The following DOCK4 variants were observed in gnomAD, a reference collection of about 807,000 sequenced individuals.
DOCK4 encodes dedicator of cytokinesis 4.
Under a neutral mutation model 268.1 loss-of-function variants are expected in DOCK4, and 97 were observed. That is an observed-to-expected ratio of 0.36 (90% CI 0.31 to 0.43). DOCK4 has a LOEUF of 0.43. Ranked by LOEUF, DOCK4 falls within the 20% of genes least tolerant of loss-of-function variation. DOCK4 has a pLI of 1.00. For synonymous variants in DOCK4, 954 were observed against 887.2 expected, an observed-to-expected ratio of 1.08 and a Z score of -1.34; for missense variants, 2,145 against 2,455.7, an observed-to-expected ratio of 0.87 and a Z score of 2.67.
At chr7:112,096,340 T>C (rs565655502) in intron 1 of DOCK4, among the ~76,000 whole-genome samples, 4 of 152,164 alleles carry the variant, frequency 2.6e-5, no homozygotes, top group Admixed American at 2.0e-4. Context: ...CTAATTTTTT[T>C]ATTTTTTTAT....
intron 1 of DOCK4, among the ~76,000 whole-genome samples, chr7:112,141,967 C>A (rs1457141207): frequency 2.0e-5 from 3 of 152,186 alleles, no homozygotes; most frequent in Non-Finnish European, 4.4e-5. Flanking sequence ...TCCCCCCACT[C>A]ATTGCAATTC....
chr7:111,934,107 A>C (rs1256998848), intron 12 of DOCK4, among the ~76,000 whole-genome samples: 1 of 152,274 alleles, frequency 6.6e-6, no homozygotes, highest in Non-Finnish European at 1.5e-5. Context: ...ATTCAGTTCA[A>C]GAAACAGCTT....
intron 8 of DOCK4, among the ~76,000 whole-genome samples, chr7:111,951,877 A>G (rs1358815963): frequency 6.6e-6 from 1 of 152,028 alleles, no homozygotes; most frequent in African/African-American, 2.4e-5. Context: ...CAAAAAAAAG[A>G]AAGAAATGGA....
intron 27 of DOCK4, among the ~76,000 whole-genome samples, chr7:111,818,894 A>C (rs1801765119): frequency 6.6e-6 from 1 of 151,722 alleles, no homozygotes; most frequent in Non-Finnish European, 1.5e-5. Context: ...TTCATGAAAG[A>C]CCCCTCCTAT....
intron 1 of DOCK4, among the ~76,000 whole-genome samples, chr7:112,082,053 G>A (rs1201068150): frequency 7.4e-5 from 8 of 108,448 alleles, no homozygotes; most frequent in African/African-American, 3.0e-4. Flanking sequence ...CTGGAGAGGC[G>A]TGGGGAATTA....
chr7:111,844,793 T>C lies in DOCK4; in HGVS notation c.2706A>G (p.Ser902=). Residue 902 remains serine, a synonymous_variant, in exon 25 of 53, where the codon TCA becomes TCG. Transcript: ENST00000428084. The part of the protein sequence containing the change: ...EITSRPQPSS[S]AMRFQFQDVT... Reference sequence around the variant, plus strand: ...CATCCTGGAACTGGAACCGCATTGCTGAGCTGGATGGCTGAGGTCGGCTGG... The same window carrying C: ...CATCCTGGAACTGGAACCGCATTGCCGAGCTGGATGGCTGAGGTCGGCTGG... 6.2e-7 allele frequency: 1 copy of C among 1,613,746 alleles called. No individual in the cohort carries two copies. The highest frequency in any genetic ancestry group is 8.5e-7 in the Non-Finnish European group (1 of 1,179,766).
At chr7:111,924,218 T>C (rs1793402554) in intron 12 of DOCK4, among the ~76,000 whole-genome samples, 1 of 152,260 alleles carries the variant, frequency 6.6e-6, no homozygotes, top group Non-Finnish European at 1.5e-5. Flanking sequence ...TCTGCCTCAT[T>C]GATTGCTAAT....
At chr7:112,063,915 C>G (rs1255019710) in intron 1 of DOCK4, among the ~76,000 whole-genome samples, 1 of 152,074 alleles carries the variant, frequency 6.6e-6, no homozygotes, top group Non-Finnish European at 1.5e-5. Flanking sequence ...CCTTTTCTTT[C>G]TATTTCTTTT....
chr7:111,885,506 T>C (rs891112192), intron 16 of DOCK4, among the ~76,000 whole-genome samples: 3 of 152,142 alleles, frequency 2.0e-5, no homozygotes, highest in African/African-American at 7.2e-5. Flanking sequence ...AGCTAAAGTG[T>C]TACCAGTGTT....
At chr7:111,970,492 T>C (rs983675311) in intron 8 of DOCK4, among the ~76,000 whole-genome samples, 1 of 152,160 alleles carries the variant, frequency 6.6e-6, no homozygotes, top group African/African-American at 2.4e-5. Context: ...TAAATGAATG[T>C]AATAAAATTA....
intron 1 of DOCK4, among the ~76,000 whole-genome samples, chr7:112,027,697 A>G (rs909607824): frequency 1.3e-5 from 2 of 152,232 alleles, no homozygotes; most frequent in Non-Finnish European, 1.5e-5. Flanking sequence ...GGCTGCATCA[A>G]AGAGCTTTGA....
intron 16 of DOCK4, among the ~76,000 whole-genome samples, chr7:111,886,458 GA>G (rs1300918789): frequency 6.6e-6 from 1 of 152,144 alleles, no homozygotes; most frequent in Non-Finnish European, 1.5e-5. Context: ...TGTTAATACC[GA>G]TTACAACACT....
At chr7:111,748,416 G>A (rs11979621) in intron 42 of DOCK4, among the ~76,000 whole-genome samples, 127 of 151,926 alleles carry the variant, frequency 8.4e-4, no homozygotes, top group African/African-American at 2.9e-3. Flanking sequence ...TAAAAACCAG[G>A]AAGAAAAAGG....
intron 39 of DOCK4, among the ~76,000 whole-genome samples, chr7:111,763,688 T>C (rs1427034167): frequency 6.6e-6 from 1 of 152,142 alleles, no homozygotes; most frequent in East Asian, 1.9e-4. Context: ...GTCTAGACCC[T>C]GCTGCGCAAT....
At chr7:111,884,312 T>G (rs1807661955) in intron 16 of DOCK4, among the ~76,000 whole-genome samples, 1 of 152,154 alleles carries the variant, frequency 6.6e-6, no homozygotes, top group South Asian at 2.1e-4. Flanking sequence ...ACACAATCCT[T>G]GAGGCAAGAT....
In DOCK4 at chr7:111,901,780, T is replaced by C. The variant is rs1336853078; in HGVS notation, c.1214A>G (p.Tyr405Cys). 4.4e-6 allele frequency: 7 copies of C among 1,584,688 alleles called. No individual in the cohort carries two copies. The highest frequency in any genetic ancestry group is 6.1e-6 in the Non-Finnish European group (7 of 1,155,744). Residue 405 changes from tyrosine to cysteine, a missense_variant, in exon 14 of 53, where the codon TAT becomes TGT. Transcript: ENST00000428084. Reference protein sequence around the residue: ...IMPGEMRNDLYITIERGEFEK... With the variant: ...IMPGEMRNDLCITIERGEFEK... The stretch of plus-strand genomic sequence containing the variant: ...AAATTCTCCCCTTTCAATAGTGATA[T>C]ATAAATCATTCCTCATTTCACCTAT...
At chr7:112,070,796 C>T (rs997858577) in intron 1 of DOCK4, among the ~76,000 whole-genome samples, 2 of 152,164 alleles carry the variant, frequency 1.3e-5, no homozygotes, top group Non-Finnish European at 2.9e-5. Flanking sequence ...AAGGAAAAGT[C>T]TTAGGCACAC....
At chr7:111,809,610 T>G (rs1226472542) in intron 28 of DOCK4, among the ~76,000 whole-genome samples, 1 of 152,190 alleles carries the variant, frequency 6.6e-6, no homozygotes, top group Non-Finnish European at 1.5e-5. Context: ...GCTTAAAATT[T>G]TCTAAAGTGA....
chr7:111,944,818 G>C lies in DOCK4; in HGVS notation c.837C>G (p.Ile279Met). Residue 279 changes from isoleucine (I) to methionine (M), a missense_variant, in exon 10 of 53, where the codon ATC becomes ATG. Coordinates refer to ENST00000428084, the MANE Select transcript of DOCK4 (RefSeq NM_001363540.2). ...GACAAGTGTTATACCTACCGATTCG[G>C]ATAATGTGCACGGTGATATAAATGT... The part of the protein sequence containing the change: ...RKDIYITVHI[I>M]RIGRMGAGEK... 1 of 1,613,792 alleles carries C rather than the reference G, an allele frequency of 6.2e-7. No individual in the cohort carries two copies. The highest frequency in any genetic ancestry group is 8.5e-7 in the Non-Finnish European group (1 of 1,179,782).
Sources: allele counts gnomAD v4.1 joint callset (sites outside exome capture counted in the v4.1 genomes callset), GRCh38; gene constraint gnomAD v4.1.1; transcripts MANE v1.5; gene names NCBI Gene and HGNC (gene_info 2026-07-23, HGNC 2026-07-21).